Variants in PTPRM observed in about 807,000 individuals in gnomAD.
PTPRM encodes the protein receptor-type tyrosine-protein phosphatase mu.
PTPRM carries 47 observed loss-of-function variants against 186.7 expected under a neutral mutation model. The observed-to-expected ratio is 0.25, with a 90% CI of 0.20 to 0.32. The LOEUF (loss-of-function observed/expected upper bound fraction) is 0.32. Ranked by LOEUF, PTPRM falls within the 10% of genes least tolerant of loss-of-function variation. The pLI is 1.00. For synonymous variants in PTPRM, 668 were observed against 674.9 expected (o/e 0.99, Z 0.16); for missense variants, 1,494 against 1,865.0 (o/e 0.80, Z 3.66).
At chr18:8,084,166 C>T (rs984037717) in intron 9 of PTPRM, among the ~76,000 whole-genome samples, 8 of 152,128 alleles carry the variant, frequency 5.3e-5, no homozygotes, top group Non-Finnish European at 1.0e-4. Flanking sequence ...ACCCCAGCTC[C>T]GAACACAGTG....
At chr18:7,899,774 TTAGG>T (rs1474373904) in intron 3 of PTPRM, among the ~76,000 whole-genome samples, 1 of 152,102 alleles carries the variant, frequency 6.6e-6, no homozygotes, top group Non-Finnish European at 1.5e-5. Context: ...TCTAAATGAG[TTAGG>T]TTTTATTTTA....
chr18:8,257,201 A>G (rs956444831), intron 19 of PTPRM, among the ~76,000 whole-genome samples: 3 of 152,196 alleles, frequency 2.0e-5, no homozygotes, highest in African/African-American at 7.2e-5. Flanking sequence ...GACCAAGAGA[A>G]GGTGAAAGAG....
intron 2 of PTPRM, among the ~76,000 whole-genome samples, chr18:7,848,909 T>G (rs893653802): frequency 2.6e-5 from 4 of 152,210 alleles, no homozygotes; most frequent in Non-Finnish European, 5.9e-5. Flanking sequence ...AGTTGGACAT[T>G]AACTTTGGAA....
In PTPRM at chr18:8,338,278, T is replaced by TAA. The variant is rs537605634; in HGVS notation, c.2957-5141_2957-5140dup. On this transcript the variant is annotated intron_variant, in intron 22 of 32. Transcript: ENST00000580170. ...GTACCCTAGAACTTAAAGTATAATTTAAAAATATATATATATATATGGAAA... is the reference window on the plus strand; with the variant it reads ...GTACCCTAGAACTTAAAGTATAATTTAAAAAAATATATATATATATATGGAAA... Among the ~76,000 whole-genome samples the TAA allele has an allele frequency of 1.3e-3, 191 of 147,672 alleles. 1 individual carries two copies. The highest frequency in any genetic ancestry group is 4.4e-3 in the African/African-American group (177 of 40,146).
At chr18:7,575,311 C>T (rs1374891829) in intron 1 of PTPRM, among the ~76,000 whole-genome samples, 1 of 152,202 alleles carries the variant, frequency 6.6e-6, no homozygotes, top group Non-Finnish European at 1.5e-5. Context: ...GGTGTAGCTG[C>T]GTCCCTTAAC....
Position 7,613,280 on chromosome 18 carries a change from T to G in PTPRM, c.73+45389T>G, listed in dbSNP as rs748649834. ...CCCCCAGTCATTCTCTTCTCTCAGC[T>G]ACTCCATACAATTTAATCCTTAATT... On this transcript the variant is annotated intron_variant, in intron 1 of 32. Transcript: ENST00000580170. Among the ~76,000 whole-genome samples the G allele has an allele frequency of 6.7e-4, 102 of 152,236 alleles. 1 individual carries two copies. Among genetic ancestry groups the G allele is most frequent in the Non-Finnish European group, 1.8e-4 (12 of 68,044 alleles).
chr18:8,358,181 T>A (rs1459173), intron 23 of PTPRM, among the ~76,000 whole-genome samples: 1 of 150,610 alleles, frequency 6.6e-6, no homozygotes, highest in Non-Finnish European at 1.5e-5. Flanking sequence ...CCAGACTAGA[T>A]CTCTTTTACA....
chr18:8,289,847 G>A (rs762270191), intron 19 of PTPRM, among the ~76,000 whole-genome samples: 23 of 151,978 alleles, frequency 1.5e-4, no homozygotes, highest in Non-Finnish European at 2.9e-4. Context: ...ATCAGTGAAT[G>A]TTCACATTTA....
intron 13 of PTPRM, among the ~76,000 whole-genome samples, chr18:8,122,586 G>C (rs1012333904): frequency 2.0e-5 from 3 of 152,174 alleles, no homozygotes; most frequent in African/African-American, 4.8e-5. Context: ...ATGTTATATA[G>C]AAATGAAATT....
At chr18:7,870,124 A>G (rs568398325) in intron 2 of PTPRM, among the ~76,000 whole-genome samples, 46 of 152,132 alleles carry the variant, frequency 3.0e-4, no homozygotes, top group Non-Finnish European at 6.3e-4. Context: ...GTATCAGGAA[A>G]TTTTACTGCT....
intron 11 of PTPRM, among the ~76,000 whole-genome samples, chr18:8,091,891 A>G (rs962473043): frequency 1.3e-5 from 2 of 152,182 alleles, no homozygotes; most frequent in South Asian, 2.1e-4. Flanking sequence ...TGCACATGTA[A>G]TCAAACTGCA....
intron 11 of PTPRM, among the ~76,000 whole-genome samples, chr18:8,092,652 G>A (rs1260030468): frequency 3.3e-5 from 5 of 152,008 alleles, no homozygotes; most frequent in Non-Finnish European, 7.4e-5. Flanking sequence ...TTGGAAAGCA[G>A]GGCACCTCAA....
intron 23 of PTPRM, among the ~76,000 whole-genome samples, chr18:8,370,656 AT>A (rs920511777): frequency 6.6e-6 from 1 of 152,238 alleles, no homozygotes; most frequent in Non-Finnish European, 1.5e-5. Context: ...TAAAAATACA[AT>A]TTTTTAAACT....
At chr18:8,264,992 C>G (rs959245141) in intron 19 of PTPRM, among the ~76,000 whole-genome samples, 3 of 152,166 alleles carry the variant, frequency 2.0e-5, no homozygotes, top group Non-Finnish European at 4.4e-5. Flanking sequence ...CACATGACTT[C>G]TGTATGAAAC....
At chr18:8,362,427 A>G (rs535065312) in intron 23 of PTPRM, among the ~76,000 whole-genome samples, 6 of 152,044 alleles carry the variant, frequency 3.9e-5, no homozygotes, top group Non-Finnish European at 8.8e-5. Context: ...TCCCAATACA[A>G]TTCCCTTTAT....
intron 7 of PTPRM, among the ~76,000 whole-genome samples, chr18:7,987,320 T>C (rs904283746): frequency 1.3e-5 from 2 of 152,224 alleles, no homozygotes; most frequent in Admixed American, 1.3e-4. Context: ...TATGATGATG[T>C]TAGTGGGTTG....
intron 5 of PTPRM, among the ~76,000 whole-genome samples, chr18:7,944,783 T>C (rs1186258379): frequency 6.6e-6 from 1 of 152,154 alleles, no homozygotes; most frequent in African/African-American, 2.4e-5. Context: ...ACTAGACTTT[T>C]CCTCTTTATT....
At chr18:8,285,895 G>A (rs1213010577) in intron 19 of PTPRM, among the ~76,000 whole-genome samples, 1 of 152,166 alleles carries the variant, frequency 6.6e-6, no homozygotes, top group African/African-American at 2.4e-5. Context: ...AGGAGGCTGA[G>A]GCAGGAGGAT....
At chr18:8,047,637 G>A (rs2087157120) in intron 7 of PTPRM, among the ~76,000 whole-genome samples, 2 of 152,080 alleles carry the variant, frequency 1.3e-5, no homozygotes, top group South Asian at 4.2e-4. Context: ...CACCTGGAGA[G>A]CTTTATAAAA....
Sources: allele counts gnomAD v4.1 joint callset (sites outside exome capture counted in the v4.1 genomes callset), GRCh38; gene constraint gnomAD v4.1.1; transcripts MANE v1.5; gene names NCBI Gene and HGNC (gene_info 2026-07-23, HGNC 2026-07-21).